SIGLEC5: variants seen among roughly 807,000 people sequenced by gnomAD.
SIGLEC5 encodes sialic acid binding Ig like lectin 5, also known as sialic acid-binding Ig-like lectin 5.
In SIGLEC5, 34 loss-of-function variants were observed where a neutral mutation model predicts 45.9. The observed-to-expected ratio is 0.74, with a 90% CI of 0.56 to 0.99. The LOEUF (loss-of-function observed/expected upper bound fraction) is 0.99. Among genes scored for constraint, SIGLEC5 ranks in the 50% least tolerant of loss-of-function variants. The probability of loss-of-function intolerance (pLI) is 0.00; values close to 1 mark genes in which losing one functional copy is unlikely to be tolerated. For synonymous variants in SIGLEC5, 203 were observed against 258.6 expected (o/e 0.79, Z 2.06); for missense variants, 508 against 629.6 (o/e 0.81, Z 2.07).
chr19:51,616,498 G>T lies in SIGLEC5; in HGVS notation c.1465-4076C>A, dbSNP rs372611542. On this transcript the variant is annotated intron_variant, in intron 8 of 8. Coordinates refer to ENST00000683636, the MANE Select transcript of SIGLEC5 (RefSeq NM_003830.4). ...CAATGGATGGGATGGAGAATAGAAT[G>T]ACTATAATTGAGGGCAAATTAGTGA... Among the ~76,000 whole-genome samples, 4 of 152,172 alleles carry T rather than the reference G, an allele frequency of 2.6e-5. No homozygotes were observed. In the East Asian group the frequency reaches 5.8e-4, roughly 22 times the overall value.
Position 51,626,115 on chromosome 19 carries a change from T to C in SIGLEC5, c.1383-2A>G. 2 of 1,613,316 alleles carry C rather than the reference T, an allele frequency of 1.2e-6. No homozygotes were observed. Among genetic ancestry groups the C allele is most frequent in the Non-Finnish European group, 1.7e-6 (2 of 1,179,792 alleles). Reference sequence around the variant, plus strand: ...GCTTGCTTCCTGCGGGCTTTCACTCTAAGGAAAGAAACCAGCACAGTGCAG... The same window carrying C: ...GCTTGCTTCCTGCGGGCTTTCACTCCAAGGAAAGAAACCAGCACAGTGCAG... On this transcript the variant is annotated splice_acceptor_variant, in intron 7 of 8. Transcript: ENST00000683636. LOFTEE classifies it high-confidence loss of function.
At chr19:51,626,929 G>A (rs1207925572) in intron 7 of SIGLEC5, among the ~76,000 whole-genome samples, 1 of 152,054 alleles carries the variant, frequency 6.6e-6, no homozygotes, top group Non-Finnish European at 1.5e-5. Context: ...TTAAGACAGG[G>A]TCTCTCACTC....
chr19:51,621,141 G>C (rs1983267510), intron 8 of SIGLEC5: 1 of 152,170 alleles, frequency 6.6e-6, no homozygotes, highest in African/African-American at 2.4e-5. Flanking sequence ...AGAGAATTAT[G>C]ACAATTCTCT....
intron 4 of SIGLEC5, among the ~76,000 whole-genome samples, chr19:51,628,650 T>C (rs954628444): frequency 3.4e-5 from 5 of 149,156 alleles, no homozygotes. Flanking sequence ...TATGTGTGTG[T>C]GGTGTATGTG....
chr19:51,625,668 A>G (rs1328288809), intron 8 of SIGLEC5, among the ~76,000 whole-genome samples: 2 of 152,148 alleles, frequency 1.3e-5, no homozygotes, highest in East Asian at 3.9e-4. Context: ...CGTCTCTACT[A>G]AAAATACAAA....
chr19:51,623,043 G>A (rs917668167), intron 8 of SIGLEC5, among the ~76,000 whole-genome samples: 3 of 152,124 alleles, frequency 2.0e-5, no homozygotes, highest in Admixed American at 2.0e-4. Flanking sequence ...GTTGCTTCTG[G>A]ATTGTTTGCA....
chr19:51,626,608 T>C (rs2122634366), intron 7 of SIGLEC5, among the ~76,000 whole-genome samples: 1 of 152,170 alleles, frequency 6.6e-6, no homozygotes, highest in South Asian at 2.1e-4. Flanking sequence ...CAACTGCAAC[T>C]TCAGGACAGA....
chr19:51,621,277 G>A (rs1225593157), intron 8 of SIGLEC5: 1 of 152,196 alleles, frequency 6.6e-6, no homozygotes, highest in Non-Finnish European at 1.5e-5. Context: ...AGAAAAAGGA[G>A]AAGTTCTGTG....
chr19:51,629,281 C>G lies in SIGLEC5; in HGVS notation c.700+77G>C. The stretch of plus-strand genomic sequence containing the variant: ...TCTCTCTGTCTTCCTTACACACACA[C>G]ACACACACACACACACACACACACC... On this transcript the variant is annotated intron_variant, in intron 3 of 8. Coordinates refer to ENST00000683636, the MANE Select transcript of SIGLEC5 (RefSeq NM_003830.4). The G allele has an allele frequency of 1.9e-6, 3 of 1,593,722 alleles. No homozygotes were observed. The South Asian group carries it at 3.3e-5, about 18-fold the overall frequency.
chr19:51,616,359 A>G (rs542360458), intron 8 of SIGLEC5, among the ~76,000 whole-genome samples: 1 of 152,388 alleles, frequency 6.6e-6, no homozygotes, highest in South Asian at 2.1e-4. Flanking sequence ...AACTTTGTCA[A>G]TAACAAAGTG....
At chr19:51,616,457 TATC>T (rs1266498241) in intron 8 of SIGLEC5, among the ~76,000 whole-genome samples, 1 of 152,192 alleles carries the variant, frequency 6.6e-6, no homozygotes, top group South Asian at 2.1e-4. Flanking sequence ...ATCTGAAAAA[TATC>T]ATAGGAAGAG....
intron 6 of SIGLEC5, 82 bp downstream of exon 6, chr19:51,627,380 A>G: frequency 1.3e-6 from 2 of 1,550,972 alleles, no homozygotes; most frequent in South Asian, 2.4e-5. Context: ...CCACCAGTCC[A>G]GCCTCTCTCT....
chr19:51,618,265 C>T (rs551476768), intron 8 of SIGLEC5, among the ~76,000 whole-genome samples: 9 of 151,558 alleles, frequency 5.9e-5, no homozygotes, highest in East Asian at 3.9e-4. Context: ...TTTTTTAAAA[C>T]CTGGTTATAT....
chr19:51,621,855 T>A (rs558690024), intron 8 of SIGLEC5, among the ~76,000 whole-genome samples: 36 of 152,254 alleles, frequency 2.4e-4, no homozygotes, highest in Non-Finnish European at 4.9e-4. Flanking sequence ...AATGCACTTT[T>A]AAAAAGATAG....
intron 8 of SIGLEC5, among the ~76,000 whole-genome samples, chr19:51,619,017 A>G (rs1279427521): frequency 1.3e-5 from 2 of 152,236 alleles, no homozygotes; most frequent in African/African-American, 4.8e-5. Flanking sequence ...AAGTATTGAC[A>G]TGTTGGGAAG....
At position 51,629,259 on chromosome 19, in the gene SIGLEC5, C is replaced by G. The variant is rs1983632551; in HGVS notation, c.700+99G>C. 4.6e-6 allele frequency: 7 copies of G among 1,537,408 alleles called. No individual in the cohort carries two copies. The East Asian group carries it at 1.8e-4, about 38-fold the overall frequency. On this transcript the variant is annotated intron_variant, in intron 3 of 8. Transcript: ENST00000683636. ...TTTCTCAAGTTATTGTTTTGTTTCT[C>G]TCTGTCTTCCTTACACACACACACA... is the stretch of plus-strand genomic sequence containing the variant.
intron 8 of SIGLEC5, among the ~76,000 whole-genome samples, chr19:51,613,821 T>C (rs775379412): frequency 5.7e-4 from 87 of 152,128 alleles, no homozygotes; most frequent in Middle Eastern, 3.4e-3. Flanking sequence ...CTGTCTCCCC[T>C]GTTTCAGGTT....
Position 51,626,166 on chromosome 19 carries a change from CG to C in SIGLEC5, c.1383-54del, listed in dbSNP as rs1329142425. ...CTGGGACCACCCAGGCACGGGTTAGCGGGTTGTCCCATCCCATGCTAAGATG... is the reference window on the plus strand; with the variant it reads ...CTGGGACCACCCAGGCACGGGTTAGCGGTTGTCCCATCCCATGCTAAGATG... On this transcript the variant is annotated intron_variant, in intron 7 of 8. Transcript: ENST00000683636. The C allele has an allele frequency of 1.3e-5, 18 of 1,432,176 alleles. No individual in the cohort carries two copies. The African/African-American group carries it at 2.4e-4, about 19-fold the overall frequency. 88.7% of individuals were successfully genotyped at this position (1,432,176 alleles called of 1,614,324 possible).
chr19:51,628,158 T>G (rs896331918), intron 4 of SIGLEC5, 67 bp from the exon 5 acceptor site: 4 of 1,449,670 alleles, frequency 2.8e-6, no homozygotes, highest in African/African-American at 1.4e-5. Flanking sequence ...TATCCTTCCC[T>G]CCTTCCCAGG....
Sources: allele counts gnomAD v4.1 joint callset (sites outside exome capture counted in the v4.1 genomes callset), GRCh38; gene constraint gnomAD v4.1.1; transcripts MANE v1.5; gene names NCBI Gene and HGNC (gene_info 2026-07-23, HGNC 2026-07-21).